FCRL6: variants seen among roughly 807,000 people sequenced by gnomAD.
FCRL6 encodes the protein Fc receptor-like protein 6.
Under a neutral mutation model 49.1 loss-of-function variants are expected in FCRL6, and 50 were observed. The ratio of observed to expected loss-of-function variants is 1.02; its 90% confidence interval spans 0.81 to 1.29. The LOEUF (loss-of-function observed/expected upper bound fraction) is 1.29. FCRL6 is among the 50% of genes most tolerant of loss of function. The pLI is 0.00. For synonymous variants in FCRL6, 213 were observed against 199.6 expected, an observed-to-expected ratio of 1.07 and a Z score of -0.57; for missense variants, 571 against 518.5, an observed-to-expected ratio of 1.10 and a Z score of -0.98.
chr1:159,800,519 C>T (rs1571078903), upstream of FCRL6: 3 of 1,327,194 alleles, frequency 2.3e-6, no homozygotes, highest in East Asian at 5.0e-5. Flanking sequence ...TCCACACACC[C>T]ACAGGACCTG....
chr1:159,814,135 G>T (rs1024561091), intron 7 of FCRL6, 86 bp from the exon 8 acceptor site: 1 of 1,250,844 alleles, frequency 8.0e-7, no homozygotes, highest in Non-Finnish European at 1.2e-6. Context: ...AGCCCCTGAT[G>T]GGCTTCTCTC....
In FCRL6 at chr1:159,815,994, C is replaced by T. The variant is rs767205080; in HGVS notation, c.*333C>T. ...ATATATATATGAAATAGTCATGTGC[C>T]GCATAACAACATTTCAGTCAGTGAT... On this transcript the variant is annotated 3_prime_UTR_variant, in exon 10 of 10. Transcript: ENST00000368106. 14 of 269,276 alleles carry T rather than the reference C, an allele frequency of 5.2e-5. No homozygotes were observed. The highest frequency in any genetic ancestry group is 1.3e-3 in the Middle Eastern group (1 of 742). The allele number at this position is 269,276 out of a possible 1,614,324, so 16.7% of individuals were successfully genotyped here.
rs1391545616 is a variant in FCRL6 at position 159,810,091 on chromosome 1, C to T, written c.887-3C>T. On this transcript the variant is annotated splice_polypyrimidine_tract_variant and splice_region_variant and intron_variant, in intron 5 of 9. Coordinates refer to ENST00000368106, the MANE Select transcript of FCRL6 (RefSeq NM_001004310.3). ...ATGGCCACCTTCTTCTCCCTGCTCC[C>T]AGGTTCTCAAGTCTTGTTCACTCCC... 2.5e-6 allele frequency: 4 copies of T among 1,610,354 alleles called. No homozygotes were observed. The South Asian group carries it at 3.3e-5, about 13-fold the overall frequency.
chr1:159,808,388 T>G lies in FCRL6; in HGVS notation c.263T>G (p.Met88Arg), dbSNP rs768822377. ...RGQYSCSGQV[M>R]YIPQTFTQTS... The stretch of plus-strand genomic sequence containing the variant: ...CAGTACAGCTGCTCTGGGCAGGTGA[T>G]GTATATTCCACAGACATTCACACAA... The change falls in exon 3 of 10, where the codon ATG becomes AGG. Residue 88 changes from methionine to arginine, a missense_variant. Met to Arg is a moderately conservative substitution (Grantham distance 91). Transcript: ENST00000368106. 2 of 1,613,986 alleles carry G rather than the reference T, an allele frequency of 1.2e-6. No individual in the cohort carries two copies. The highest frequency in any genetic ancestry group is 4.5e-5 in the East Asian group (2 of 44,872).
chr1:159,802,127 C>A (rs575913177), upstream of FCRL6, among the ~76,000 whole-genome samples: 1 of 152,126 alleles, frequency 6.6e-6, no homozygotes, highest in Non-Finnish European at 1.5e-5. Context: ...ATCCTAGTTC[C>A]CTGGCATAGG....
chr1:159,812,049 A>G (rs1433584089), intron 6 of FCRL6, among the ~76,000 whole-genome samples: 2 of 152,230 alleles, frequency 1.3e-5, no homozygotes, highest in Non-Finnish European at 2.9e-5. Context: ...AGGGAACAAA[A>G]GAGCATCCTC....
In FCRL6 at chr1:159,815,854, A is replaced by G; in HGVS notation, c.*193A>G. 1.7e-6 allele frequency: 1 copy of G among 591,918 alleles called. No homozygotes were observed. Among genetic ancestry groups the G allele is most frequent in the Admixed American group, 3.0e-5 (1 of 33,100 alleles). 36.7% of individuals were successfully genotyped at this position (591,918 alleles called of 1,614,324 possible). A position where few individuals can be genotyped will look rare whatever the true frequency, so the allele number is the denominator to read the frequency against. On this transcript the variant is annotated 3_prime_UTR_variant, in exon 10 of 10. Coordinates refer to ENST00000368106, the MANE Select transcript of FCRL6 (RefSeq NM_001004310.3). ...TCTTAGCAGAAGACCAACCAATGGA[A>G]TGGGAAGGGAGATGCTCCCACCAAC...
At position 159,802,463 on chromosome 1, in the gene FCRL6, A is replaced by G. The variant is rs1366986609; in HGVS notation, c.31+8A>G. 1 of 1,613,080 alleles carries G rather than the reference A, an allele frequency of 6.2e-7. No individual in the cohort carries two copies. Among genetic ancestry groups the G allele is most frequent in the South Asian group, 1.1e-5 (1 of 90,916 alleles). The stretch of plus-strand genomic sequence containing the variant: ...CGGCTGTGCTGCTCTTTGGTAAGTC[A>G]ACGAGCATGGGCATCCCCTCTTGGA... On this transcript the variant is annotated splice_region_variant and intron_variant, in intron 1 of 9. Coordinates refer to ENST00000368106, the MANE Select transcript of FCRL6 (RefSeq NM_001004310.3).
Position 159,808,950 on chromosome 1 carries a change from C to T in FCRL6, c.320-11C>T. On this transcript the variant is annotated splice_polypyrimidine_tract_variant and intron_variant, in intron 3 of 9. Coordinates refer to ENST00000368106, the MANE Select transcript of FCRL6 (RefSeq NM_001004310.3). ...ACTCCCCTCCTGAGTCCTGGGCCTG[C>T]ATCTCCCCAGAGCTGTTTCCACCTC... 6.3e-7 allele frequency: 1 copy of T among 1,581,450 alleles called. No individual in the cohort carries two copies. Among genetic ancestry groups the T allele is most frequent in the Non-Finnish European group, 8.6e-7 (1 of 1,163,042 alleles).
At position 159,814,571 on chromosome 1, in the gene FCRL6, T is replaced by C. The variant is rs113533672; in HGVS notation, c.1147+279T>C. Among the ~76,000 whole-genome samples the C allele has an allele frequency of 8.3e-3, 1,264 of 152,298 alleles. 10 individuals are homozygous for C. The highest frequency in any genetic ancestry group is 0.028 in the African/African-American group (1,176 of 41,558). On this transcript the variant is annotated intron_variant, in intron 8 of 9. Transcript: ENST00000368106. ...ACCACTATGACCACTATATTCACCA[T>C]TCTCAACATCATCTCCTCCACACTG...
In FCRL6 at chr1:159,808,199, G is replaced by A. The variant is rs771757417; in HGVS notation, c.74G>A (p.Trp25Ter). ...GCAGTCTGGCTGTACCTCCAAGCCT[G>A]GCCAAACCCTGTGTTTGAAGGAGAT... ...GKTVWLYLQAWPNPVFEGDAL... is the reference protein window; with the variant it reads ...GKTVWLYLQA The change falls in exon 3 of 10, where the codon TGG becomes TAG. Residue 25 changes from tryptophan to a stop codon, truncating the protein, a stop_gained. Transcript: ENST00000368106. LOFTEE classifies it high-confidence loss of function. The A allele has an allele frequency of 6.2e-6, 10 of 1,613,024 alleles. No homozygotes were observed. Among genetic ancestry groups the A allele is most frequent in the South Asian group, 2.2e-5 (2 of 91,038 alleles).
intron 2 of FCRL6, among the ~76,000 whole-genome samples, chr1:159,806,903 G>A (rs1022641537): frequency 3.3e-5 from 5 of 152,194 alleles, no homozygotes; most frequent in African/African-American, 1.2e-4. Flanking sequence ...TTCTCTTCAA[G>A]TGGTTCTGGA....
At chr1:159,803,066 G>A (rs1234093753) in intron 1 of FCRL6, among the ~76,000 whole-genome samples, 1 of 152,128 alleles carries the variant, frequency 6.6e-6, no homozygotes, top group Admixed American at 6.5e-5. Flanking sequence ...TCTCTCTGTT[G>A]GGAGCTGTTT....
intron 1 of FCRL6, among the ~76,000 whole-genome samples, chr1:159,804,233 G>A (rs1049428611): frequency 9.2e-5 from 14 of 152,182 alleles, no homozygotes; most frequent in African/African-American, 3.1e-4. Flanking sequence ...TCAGTGGTGA[G>A]AGAGTTCTTC....
chr1:159,803,258 C>A (rs1414303382), intron 1 of FCRL6, among the ~76,000 whole-genome samples: 2 of 152,190 alleles, frequency 1.3e-5, no homozygotes, highest in African/African-American at 2.4e-5. Flanking sequence ...GCCAGTGTCA[C>A]CCCCCTTATA....
chr1:159,804,466 C>T lies in FCRL6; in HGVS notation c.31+2011C>T, dbSNP rs373692643. Among the ~76,000 whole-genome samples, 4 of 152,280 alleles carry T rather than the reference C, an allele frequency of 2.6e-5. No individual in the cohort carries two copies. In the East Asian group the frequency reaches 5.8e-4, roughly 22 times the overall value. ...GGCAGGGGCTCCTGCCTTCATTTTT[C>T]GGAATTCTATTACGCAACTTGGTTT... On this transcript the variant is annotated intron_variant, in intron 1 of 9. Transcript: ENST00000368106.
At position 159,808,683 on chromosome 1, in the gene FCRL6, A is replaced by G; in HGVS notation, c.319+239A>G. 3 of 615,736 alleles carry G rather than the reference A, an allele frequency of 4.9e-6. No homozygotes were observed. In the South Asian group the frequency reaches 5.9e-5, roughly 12 times the overall value. The allele number at this position is 615,736 out of a possible 1,614,324, so 38.1% of individuals were successfully genotyped here. A position where few individuals can be genotyped will look rare whatever the true frequency, so the allele number is the denominator to read the frequency against. ...TTCTTGGGAAGGGGGCACTGGGAAG[A>G]CCCTGGACCAGTCCAGGCTCACCCT... On this transcript the variant is annotated intron_variant, in intron 3 of 9. Transcript: ENST00000368106.
chr1:159,813,394 C>T lies in FCRL6; in HGVS notation c.1010-95C>T, dbSNP rs80269198. 1,578 of 1,068,034 alleles carry T rather than the reference C, an allele frequency of 1.5e-3. 9 individuals are homozygous for T. The African/African-American group carries it at 0.02, about 13-fold the overall frequency. The allele number at this position is 1,068,034 out of a possible 1,614,324, so 66.2% of individuals were successfully genotyped here. Reference sequence around the variant, plus strand: ...AACCAAACCAGCCTCAAACCTCCAGCGGCCTCCTTGTCATTCTTGCTCACA... The same window carrying T: ...AACCAAACCAGCCTCAAACCTCCAGTGGCCTCCTTGTCATTCTTGCTCACA... On this transcript the variant is annotated intron_variant, in intron 6 of 9. Transcript: ENST00000368106.
intron 1 of FCRL6, among the ~76,000 whole-genome samples, chr1:159,806,054 A>G (rs539040221): frequency 6.6e-6 from 1 of 152,390 alleles, no homozygotes; most frequent in South Asian, 2.1e-4. Flanking sequence ...GGTCTTGGGC[A>G]TAGAAAATAT....
Sources: allele counts gnomAD v4.1 joint callset (sites outside exome capture counted in the v4.1 genomes callset), GRCh38; gene constraint gnomAD v4.1.1; transcripts MANE v1.5; gene names NCBI Gene and HGNC (gene_info 2026-07-23, HGNC 2026-07-21).